The following DLGAP1 variants were observed in gnomAD, a reference collection of about 807,000 sequenced individuals.
The protein encoded by DLGAP1 is disks large-associated protein 1.
Under a neutral mutation model 90.8 loss-of-function variants are expected in DLGAP1, and 11 were observed. The observed-to-expected ratio is 0.12, with a 90% CI of 0.08 to 0.20. DLGAP1 has a LOEUF of 0.20. DLGAP1 is among the 10% of genes least tolerant of loss of function. The pLI is 1.00. For missense variants in DLGAP1, 1,050 were observed against 1,333.8 expected (o/e 0.79, Z 3.31); for synonymous variants, 558 against 540.7 (o/e 1.03, Z -0.44).
At chr18:3,634,184 T>A (rs973131699) in intron 7 of DLGAP1, among the ~76,000 whole-genome samples, 1 of 152,000 alleles carries the variant, frequency 6.6e-6, no homozygotes, top group South Asian at 2.1e-4. Context: ...TTATAGAGAC[T>A]TTTTTCTTTA....
chr18:3,855,761 G>T (rs1311461077), intron 4 of DLGAP1, among the ~76,000 whole-genome samples: 1 of 151,956 alleles, frequency 6.6e-6, no homozygotes, highest in African/African-American at 2.4e-5. Context: ...CTACAGACGC[G>T]TGCCACCACA....
At chr18:3,874,119 CCAAATA>C (rs1568269355) in intron 4 of DLGAP1, 2 of 1,549,430 alleles carry the variant, frequency 1.3e-6, no homozygotes, top group East Asian at 2.4e-5. Context: ...CACACTATTA[CCAAATA>C]CAAAGTAATA....
At chr18:3,956,636 C>A (rs1043814650) in intron 3 of DLGAP1, among the ~76,000 whole-genome samples, 1 of 152,068 alleles carries the variant, frequency 6.6e-6, no homozygotes, top group Non-Finnish European at 1.5e-5. Flanking sequence ...AAGTGAACCA[C>A]CACGCCCGGC....
At chr18:4,350,325 C>T (rs1412569014) in intron 1 of DLGAP1, among the ~76,000 whole-genome samples, 2 of 151,996 alleles carry the variant, frequency 1.3e-5, no homozygotes, top group African/African-American at 2.4e-5. Context: ...CATATGTGTA[C>T]CAAAACCGAT....
intron 2 of DLGAP1, among the ~76,000 whole-genome samples, chr18:4,079,750 C>T (rs1325166032): frequency 6.6e-6 from 1 of 151,334 alleles, no homozygotes; most frequent in East Asian, 1.9e-4. Context: ...AGGGTAAGTT[C>T]TTCCCATAGA....
At chr18:3,902,478 A>G (rs2071805390) in intron 3 of DLGAP1, among the ~76,000 whole-genome samples, 1 of 152,194 alleles carries the variant, frequency 6.6e-6, no homozygotes, top group African/African-American at 2.4e-5. Flanking sequence ...TGCTCAATAA[A>G]TGCTCATTTG....
At chr18:4,259,079 G>A (rs969577635) in intron 1 of DLGAP1, among the ~76,000 whole-genome samples, 4 of 152,152 alleles carry the variant, frequency 2.6e-5, no homozygotes, top group Admixed American at 6.6e-5. Context: ...CAGGACATCC[G>A]TGATTTTTGT....
At chr18:4,196,108 C>A (rs1332210431) in intron 1 of DLGAP1, among the ~76,000 whole-genome samples, 1 of 152,142 alleles carries the variant, frequency 6.6e-6, no homozygotes, top group Non-Finnish European at 1.5e-5. Flanking sequence ...AATCATGCAC[C>A]AAACACTGCT....
At chr18:3,588,737 G>C (rs1386512886) in intron 7 of DLGAP1, among the ~76,000 whole-genome samples, 1 of 140,400 alleles carries the variant, frequency 7.1e-6, no homozygotes, top group African/African-American at 2.6e-5. Flanking sequence ...CCAAGATCGC[G>C]CCACTGCACT....
In DLGAP1 at chr18:4,369,807, A is replaced by C. The variant is rs1014959294; in HGVS notation, c.-267+85199T>G. On this transcript the variant is annotated intron_variant, in intron 1 of 12. Transcript: ENST00000315677. ...TAAATCTTAAAGGTTGAAAGGAGAA[A>C]GTCTTAGTAAAAAAAAAAAAAAAAA... Among the ~76,000 whole-genome samples the C allele has an allele frequency of 9.1e-5, 12 of 131,600 alleles. No individual in the cohort carries two copies. In the South Asian group the frequency reaches 1.4e-3, roughly 15 times the overall value. 86.3% of individuals were successfully genotyped at this position (131,600 alleles called of 152,430 possible). A position where few individuals can be genotyped will look rare whatever the true frequency, so the allele number is the denominator to read the frequency against.
At chr18:3,633,673 C>G (rs575726524) in intron 7 of DLGAP1, among the ~76,000 whole-genome samples, 1 of 152,076 alleles carries the variant, frequency 6.6e-6, no homozygotes, top group South Asian at 2.1e-4. Flanking sequence ...AATGAAGTTC[C>G]TTTATATTTT....
chr18:3,611,110 C>T (rs537167560), intron 7 of DLGAP1, among the ~76,000 whole-genome samples: 12 of 150,024 alleles, frequency 8.0e-5, no homozygotes, highest in Admixed American at 1.3e-4. Flanking sequence ...CTACCCTGGG[C>T]GATAGAGCAA....
At position 3,779,892 on chromosome 18, in the gene DLGAP1, C is replaced by T. The variant is rs549432250; in HGVS notation, c.1172+34167G>A. ...GCAACCTCCACCTCCCGGGTTCAAG[C>T]GATTCTCCTGCCTCAGCTTTCCAAG... On this transcript the variant is annotated intron_variant, in intron 5 of 12. Coordinates refer to ENST00000315677, the MANE Select transcript of DLGAP1 (RefSeq NM_004746.4). Among the ~76,000 whole-genome samples the T allele has an allele frequency of 6.7e-4, 101 of 151,668 alleles. 1 individual carries two copies. The Middle Eastern group carries it at 0.017, about 26-fold the overall frequency.
chr18:4,212,263 T>C (rs1251690149), intron 1 of DLGAP1, among the ~76,000 whole-genome samples: 2 of 152,156 alleles, frequency 1.3e-5, no homozygotes, highest in Non-Finnish European at 2.9e-5. Context: ...TGCTGGACTA[T>C]AGGTACTGCC....
chr18:3,578,360 AT>A (rs750251974), intron 8 of DLGAP1, among the ~76,000 whole-genome samples: 1,869 of 143,412 alleles, frequency 0.013, 37 homozygotes, highest in African/African-American at 0.04. Context: ...TGCGTCTTTA[AT>A]TTTTTTTTTT....
chr18:3,521,771 C>T (rs2051207498), intron 10 of DLGAP1, among the ~76,000 whole-genome samples: 2 of 152,212 alleles, frequency 1.3e-5, no homozygotes, highest in Admixed American at 1.3e-4. Flanking sequence ...GCCCATGTAA[C>T]TAACTCCTAT....
At chr18:4,196,319 T>C (rs1276144263) in intron 1 of DLGAP1, among the ~76,000 whole-genome samples, 3 of 152,184 alleles carry the variant, frequency 2.0e-5, no homozygotes, top group Non-Finnish European at 2.9e-5. Context: ...GTACAGGCAA[T>C]GCTTCCATGA....
intron 5 of DLGAP1, among the ~76,000 whole-genome samples, chr18:3,782,885 A>C (rs1045828742): frequency 1.3e-5 from 2 of 152,232 alleles, no homozygotes; most frequent in African/African-American, 4.8e-5. Flanking sequence ...AATGGGAGAA[A>C]ATTTTTGCAA....
intron 7 of DLGAP1, among the ~76,000 whole-genome samples, chr18:3,707,607 GAA>G (rs1274258689): frequency 8.7e-6 from 1 of 114,534 alleles, no homozygotes; most frequent in African/African-American, 3.1e-5. Flanking sequence ...CCATCTCAAA[GAA>G]AAAAAAAAAA....
Sources: allele counts gnomAD v4.1 joint callset (sites outside exome capture counted in the v4.1 genomes callset), GRCh38; gene constraint gnomAD v4.1.1; transcripts MANE v1.5; gene names NCBI Gene and HGNC (gene_info 2026-07-23, HGNC 2026-07-21).